The following HIVEP3 variants were observed in gnomAD, a reference collection of about 807,000 sequenced individuals.
HIVEP3 encodes the protein HIVEP zinc finger 3, also known as transcription factor HIVEP3.
A neutral mutation model predicts 152.8 loss-of-function variants in HIVEP3; 49 were observed. The observed-to-expected ratio is 0.32, with a 90% CI of 0.26 to 0.41. The LOEUF (loss-of-function observed/expected upper bound fraction) is 0.41, where lower values mean the gene tolerates loss of function less well. Among genes scored for constraint, HIVEP3 ranks in the 10% least tolerant of loss-of-function variants. The pLI, the probability that HIVEP3 is intolerant of heterozygous loss-of-function variation, is 1.00. For missense variants in HIVEP3, 2,790 were observed against 3,103.3 expected, an observed-to-expected ratio of 0.90 and a Z score of 2.40; for synonymous variants, 1,269 against 1,289.0, an observed-to-expected ratio of 0.98 and a Z score of 0.33.
chr1:41,892,357 T>C (rs1170853839), intron 1 of HIVEP3, among the ~76,000 whole-genome samples: 1 of 152,196 alleles, frequency 6.6e-6, no homozygotes. Context: ...ATATATTTCT[T>C]ACAAATGGGG....
chr1:41,725,723 G>A (rs555503204), intron 1 of HIVEP3, among the ~76,000 whole-genome samples: 6 of 152,266 alleles, frequency 3.9e-5, no homozygotes, highest in African/African-American at 1.2e-4. Context: ...CAGATCTCCA[G>A]GATAGGCTCA....
At chr1:41,566,469 A>G (rs1227174394) in intron 5 of HIVEP3, among the ~76,000 whole-genome samples, 1 of 152,132 alleles carries the variant, frequency 6.6e-6, no homozygotes, top group East Asian at 1.9e-4. Flanking sequence ...CCTTGCAGCA[A>G]ACACACATGA....
chr1:41,624,437 G>A (rs182813989), intron 3 of HIVEP3, among the ~76,000 whole-genome samples: 10 of 152,288 alleles, frequency 6.6e-5, no homozygotes, highest in African/African-American at 1.4e-4. Context: ...AAGTGCTGCC[G>A]GTTTAATTTG....
At chr1:41,939,964 T>C (rs1278667618) in intron 1 of HIVEP3, among the ~76,000 whole-genome samples, 1 of 152,190 alleles carries the variant, frequency 6.6e-6, no homozygotes, top group Non-Finnish European at 1.5e-5. Context: ...TATTGATAAT[T>C]TGATCACATT....
At chr1:41,527,151 T>C (rs1642986839) in intron 5 of HIVEP3, among the ~76,000 whole-genome samples, 3 of 76,724 alleles carry the variant, frequency 3.9e-5, no homozygotes, top group Non-Finnish European at 7.8e-5. Flanking sequence ...CACCCTCACA[T>C]GCTCATCCTC....
chr1:41,676,081 T>G (rs1322047488), intron 2 of HIVEP3, among the ~76,000 whole-genome samples: 1 of 151,948 alleles, frequency 6.6e-6, no homozygotes, highest in African/African-American at 2.4e-5. Flanking sequence ...TGACGGAGTC[T>G]TGCTCTGTCC....
chr1:41,898,567 T>A (rs1644571155), intron 1 of HIVEP3, among the ~76,000 whole-genome samples: 1 of 152,222 alleles, frequency 6.6e-6, no homozygotes, highest in African/African-American at 2.4e-5. Context: ...CCTGCCCACA[T>A]GTAAACAGAT....
chr1:41,840,542 G>A (rs1290544513), intron 1 of HIVEP3, among the ~76,000 whole-genome samples: 6 of 152,204 alleles, frequency 3.9e-5, no homozygotes, highest in African/African-American at 1.4e-4. Context: ...AACCATGAAA[G>A]AATAAATTTC....
intron 1 of HIVEP3, among the ~76,000 whole-genome samples, chr1:41,896,202 G>A (rs569931032): frequency 6.6e-6 from 1 of 152,246 alleles, no homozygotes; most frequent in Admixed American, 6.5e-5. Flanking sequence ...TCTGTAAAAT[G>A]GGAATAAAAA....
At chr1:41,802,044 G>A (rs923264913) in intron 1 of HIVEP3, among the ~76,000 whole-genome samples, 7 of 152,282 alleles carry the variant, frequency 4.6e-5, no homozygotes, top group Admixed American at 6.5e-5. Context: ...CATGGCGGCT[G>A]GGCCTGGCTT....
intron 1 of HIVEP3, among the ~76,000 whole-genome samples, chr1:41,942,137 G>C (rs933704854): frequency 6.6e-6 from 1 of 152,168 alleles, no homozygotes; most frequent in African/African-American, 2.4e-5. Context: ...TACATTTCCA[G>C]CTTTGGCAGT....
chr1:42,000,016 C>G (rs1308478587), intron 1 of HIVEP3, among the ~76,000 whole-genome samples: 1 of 152,060 alleles, frequency 6.6e-6, no homozygotes, highest in African/African-American at 2.4e-5. Flanking sequence ...CCAATTTAAA[C>G]TAGCAAAACA....
At chr1:41,748,655 A>C (rs1172765180) in intron 1 of HIVEP3, among the ~76,000 whole-genome samples, 2 of 152,224 alleles carry the variant, frequency 1.3e-5, no homozygotes, top group Non-Finnish European at 2.9e-5. Context: ...CGTTGATACT[A>C]TCACAGTCAC....
At chr1:42,012,378 G>A (rs1195423545) in intron 1 of HIVEP3, among the ~76,000 whole-genome samples, 1 of 152,076 alleles carries the variant, frequency 6.6e-6, no homozygotes, top group African/African-American at 2.4e-5. Context: ...GAAGTAAGTA[G>A]GTTTAGATGC....
chr1:41,544,809 A>T (rs1286566315), intron 5 of HIVEP3, among the ~76,000 whole-genome samples: 1 of 138,138 alleles, frequency 7.2e-6, no homozygotes, highest in African/African-American at 2.8e-5. Flanking sequence ...CACCACCACC[A>T]CTACCACCTC....
chr1:41,668,246 G>C (rs1464740645), intron 2 of HIVEP3, among the ~76,000 whole-genome samples: 2 of 152,242 alleles, frequency 1.3e-5, no homozygotes, highest in Non-Finnish European at 2.9e-5. Context: ...GTTCCGGAGA[G>C]GCCTTGCACA....
At chr1:41,647,304 C>G (rs34124744) in intron 2 of HIVEP3, among the ~76,000 whole-genome samples, 2 of 152,036 alleles carry the variant, frequency 1.3e-5, no homozygotes, top group South Asian at 2.1e-4. Context: ...GGAAGGTGGC[C>G]CAGGATGAGA....
At chr1:41,906,665 G>A (rs1316275893) in intron 1 of HIVEP3, among the ~76,000 whole-genome samples, 2 of 151,928 alleles carry the variant, frequency 1.3e-5, no homozygotes, top group African/African-American at 4.8e-5. Flanking sequence ...CACTTCAAAA[G>A]GTGAATTTTA....
upstream of HIVEP3, among the ~76,000 whole-genome samples, chr1:41,923,446 T>C (rs899017706): frequency 6.6e-5 from 10 of 151,896 alleles, no homozygotes; most frequent in Admixed American, 4.6e-4. Context: ...GTCAAACTCA[T>C]AGGAGTAGAG....
Sources: allele counts gnomAD v4.1 joint callset (sites outside exome capture counted in the v4.1 genomes callset), GRCh38; gene constraint gnomAD v4.1.1; transcripts MANE v1.5; gene names NCBI Gene and HGNC (gene_info 2026-07-23, HGNC 2026-07-21).